SLC44A5: variants seen among roughly 807,000 people sequenced by gnomAD.
SLC44A5 encodes the protein choline transporter-like protein 5.
Under a neutral mutation model 101.8 loss-of-function variants are expected in SLC44A5, and 57 were observed. The observed-to-expected ratio is 0.56, with a 90% confidence interval of 0.45 to 0.70. The LOEUF (loss-of-function observed/expected upper bound fraction) is 0.70. Ranked by LOEUF, SLC44A5 falls within the 30% of genes least tolerant of loss-of-function variation. The probability of loss-of-function intolerance (pLI) is 0.00; values close to 1 mark genes in which losing one functional copy is unlikely to be tolerated. For missense variants in SLC44A5, 737 were observed against 853.1 expected (o/e 0.86, Z 1.70); for synonymous variants, 281 against 290.9 (o/e 0.97, Z 0.35).
chr1:75,552,464 T>G (rs964675485), intron 1 of SLC44A5, among the ~76,000 whole-genome samples: 3 of 20,694 alleles, frequency 1.4e-4, no homozygotes, highest in Non-Finnish European at 1.9e-4. Flanking sequence ...CCTTAAAAAA[T>G]ATAACGGCAA....
At chr1:75,696,579 T>A in the SLC44A5 span, among the ~76,000 whole-genome samples, 1 of 152,008 alleles carries the variant, frequency 6.6e-6, no homozygotes, top group African/African-American at 2.4e-5. Flanking sequence ...AGGTGGGAAA[T>A]ATGTCGACTC....
intron 2 of SLC44A5, among the ~76,000 whole-genome samples, chr1:75,401,189 G>C (rs548951861): frequency 5.9e-5 from 9 of 152,338 alleles, no homozygotes; most frequent in Admixed American, 3.3e-4. Context: ...ACCAGGGTAA[G>C]AGGACAACCA....
chr1:75,660,208 A>G, the SLC44A5 span, among the ~76,000 whole-genome samples: 3 of 151,040 alleles, frequency 2.0e-5, no homozygotes, highest in East Asian at 5.8e-4. Flanking sequence ...ATTCTGTCAG[A>G]AAAAAAAGAA....
At chr1:75,403,913 G>T (rs576762959) in intron 2 of SLC44A5, among the ~76,000 whole-genome samples, 44 of 152,180 alleles carry the variant, frequency 2.9e-4, no homozygotes, top group African/African-American at 9.1e-4. Context: ...AGCTAAAGCA[G>T]CATGTTCTAA....
the SLC44A5 span, among the ~76,000 whole-genome samples, chr1:75,696,022 A>G: frequency 6.6e-6 from 1 of 151,860 alleles, no homozygotes; most frequent in South Asian, 2.1e-4. Context: ...CATATTCCAC[A>G]TTGGTATTTG....
At chr1:75,387,268 C>T (rs1156927130) in intron 3 of SLC44A5, among the ~76,000 whole-genome samples, 2 of 151,228 alleles carry the variant, frequency 1.3e-5, no homozygotes, top group Non-Finnish European at 2.9e-5. Context: ...TCAGAGTGAA[C>T]AGGCAACCTA....
chr1:75,463,540 A>G lies in SLC44A5; in HGVS notation c.14-66919T>C, dbSNP rs995360232. Among the ~76,000 whole-genome samples, 5 of 152,228 alleles carry G rather than the reference A, an allele frequency of 3.3e-5. No individual in the cohort carries two copies. In the South Asian group the frequency reaches 6.2e-4, roughly 19 times the overall value. On this transcript the variant is annotated intron_variant, in intron 2 of 23. Transcript: ENST00000370859. ...TTCAGTGGAAATCTTACAGGCCAGG[A>G]AAGAGTGCATGATATATTTAAAGCA...
At chr1:75,314,028 AATG>A (rs1277088991) in intron 4 of SLC44A5, among the ~76,000 whole-genome samples, 1 of 152,200 alleles carries the variant, frequency 6.6e-6, no homozygotes, top group Non-Finnish European at 1.5e-5. Flanking sequence ...TAATAAGGTG[AATG>A]ATGATATTAA....
At chr1:75,608,955 T>C (rs2102177896) in intron 1 of SLC44A5, among the ~76,000 whole-genome samples, 2 of 152,084 alleles carry the variant, frequency 1.3e-5, no homozygotes, top group Middle Eastern at 3.4e-3. Flanking sequence ...TTCATGCTTA[T>C]TATTCATTGT....
chr1:75,694,229 G>GA, the SLC44A5 span, among the ~76,000 whole-genome samples: 1 of 151,884 alleles, frequency 6.6e-6, no homozygotes, highest in Non-Finnish European at 1.5e-5. Flanking sequence ...CCTTATGTCA[G>GA]AAAAATGGAC....
rs1646998997 is a variant in SLC44A5 at position 75,218,030 on chromosome 1, T to C, written c.1530-70A>G. 11 of 1,028,442 alleles carry C rather than the reference T, an allele frequency of 1.1e-5. No homozygotes were observed. The South Asian group carries it at 1.4e-4, about 13-fold the overall frequency. 63.7% of individuals were successfully genotyped at this position (1,028,442 alleles called of 1,614,324 possible). A position where few individuals can be genotyped will look rare whatever the true frequency, so the allele number is the denominator to read the frequency against. On this transcript the variant is annotated intron_variant, in intron 17 of 23. Coordinates refer to ENST00000370859, the MANE Select transcript of SLC44A5 (RefSeq NM_001130058.2). The stretch of plus-strand genomic sequence containing the variant: ...ATTTAAGGGGATGCTAATTGAATAA[T>C]TTTCACAAGTAAAAGGTATCTGCAG...
chr1:75,479,726 CAAT>C (rs1667703033), intron 2 of SLC44A5, among the ~76,000 whole-genome samples: 1 of 152,170 alleles, frequency 6.6e-6, no homozygotes, highest in African/African-American at 2.4e-5. Context: ...CTGAATAGAC[CAAT>C]AACAGGCTCT....
In SLC44A5 at chr1:75,302,112, G is replaced by GTTTTTTTTTTTTTTTTTTTTTTTTT. The variant is rs10684140; in HGVS notation, c.102-1428_102-1427insAAAAAAAAAAAAAAAAAAAAAAAAA. ...AGAAAGCAGGTGCTCTAGTTTTTTT[G>GTTTTTTTTTTTTTTTTTTTTTTTTT]TTTTTTTTTTTTTTTTTTTTTTTTG... is the stretch of plus-strand genomic sequence containing the variant. On this transcript the variant is annotated intron_variant, in intron 4 of 23. Transcript: ENST00000370859. 2.8e-4 allele frequency among the ~76,000 whole-genome samples: 17 copies of GTTTTTTTTTTTTTTTTTTTTTTTTT among 60,130 alleles called. 2 individuals carry two copies. The highest frequency in any genetic ancestry group is 1.1e-3 in the African/African-American group (16 of 14,504). 39.4% of individuals were successfully genotyped at this position (60,130 alleles called of 152,430 possible).
chr1:75,258,145 G>GT (rs954420727), intron 6 of SLC44A5, among the ~76,000 whole-genome samples: 9 of 151,892 alleles, frequency 5.9e-5, no homozygotes, highest in African/African-American at 1.7e-4. Flanking sequence ...GCTAGTCACA[G>GT]TTTTTTTTCA....
At chr1:75,508,606 A>T (rs1418804909) in intron 2 of SLC44A5, among the ~76,000 whole-genome samples, 1 of 152,098 alleles carries the variant, frequency 6.6e-6, no homozygotes, top group Non-Finnish European at 1.5e-5. Flanking sequence ...TGGTAACTAG[A>T]TGAAGAAGGA....
chr1:75,269,950 G>C (rs564957019), intron 6 of SLC44A5, among the ~76,000 whole-genome samples: 3 of 152,134 alleles, frequency 2.0e-5, no homozygotes, highest in Non-Finnish European at 4.4e-5. Flanking sequence ...TTCTGTTAGT[G>C]AATAAGTCTC....
intron 2 of SLC44A5, among the ~76,000 whole-genome samples, chr1:75,442,286 T>C (rs1475135923): frequency 1.3e-5 from 2 of 152,116 alleles, no homozygotes; most frequent in African/African-American, 4.8e-5. Context: ...ATGAACCTTG[T>C]TAAAGATGGT....
chr1:75,674,514 G>A, the SLC44A5 span, among the ~76,000 whole-genome samples: 1 of 152,066 alleles, frequency 6.6e-6, no homozygotes, highest in African/African-American at 2.4e-5. Context: ...TGAGTAGCTG[G>A]GATTACAGGC....
At chr1:75,422,304 A>G (rs1664057380) in intron 2 of SLC44A5, among the ~76,000 whole-genome samples, 4 of 152,236 alleles carry the variant, frequency 2.6e-5, no homozygotes, top group Admixed American at 2.6e-4. Flanking sequence ...ACATTTCACT[A>G]GGCTGCAAGA....
Sources: allele counts gnomAD v4.1 joint callset (sites outside exome capture counted in the v4.1 genomes callset), GRCh38; gene constraint gnomAD v4.1.1; transcripts MANE v1.5; gene names NCBI Gene and HGNC (gene_info 2026-07-23, HGNC 2026-07-21).